The following UNC13C variants were observed in gnomAD, a reference collection of about 807,000 sequenced individuals.
UNC13C encodes the protein protein unc-13 homolog C.
A neutral mutation model predicts 245.4 loss-of-function variants in UNC13C; 174 were observed. That is an observed-to-expected ratio of 0.71 (90% CI 0.63 to 0.80). The LOEUF (loss-of-function observed/expected upper bound fraction) is 0.80. Ranked by LOEUF, UNC13C falls within the 30% of genes least tolerant of loss-of-function variation. UNC13C has a pLI of 0.00. For missense variants in UNC13C, 2,829 were observed against 2,602.9 expected, an observed-to-expected ratio of 1.09 and a Z score of -1.89; for synonymous variants, 992 against 895.1, an observed-to-expected ratio of 1.11 and a Z score of -1.93.
At chr15:54,618,401 G>A (rs1221559528) in intron 30 of UNC13C, among the ~76,000 whole-genome samples, 1 of 152,176 alleles carries the variant, frequency 6.6e-6, no homozygotes, top group East Asian at 1.9e-4. Context: ...TTTACAATAA[G>A]CAAGACTATA....
chr15:53,953,700 T>G, the UNC13C span, among the ~76,000 whole-genome samples: 2 of 152,196 alleles, frequency 1.3e-5, no homozygotes, highest in Non-Finnish European at 2.9e-5. Context: ...TGCCAGCACA[T>G]TAGATATTAA....
At chr15:54,417,150 A>C in intron 19 of UNC13C, 1 of 354,420 alleles carries the variant, frequency 2.8e-6, no homozygotes, top group Admixed American at 3.9e-5. Context: ...TTTTTTGTCT[A>C]TGACTTTTAC....
At chr15:53,913,267 TG>T in the UNC13C span, 1 of 152,224 alleles carries the variant, frequency 6.6e-6, no homozygotes, top group African/African-American at 2.4e-5. Flanking sequence ...ACAAGCCCTA[TG>T]GGTAGTTGAC....
At chr15:54,349,697 C>T (rs546790146) in intron 17 of UNC13C, among the ~76,000 whole-genome samples, 85 of 152,194 alleles carry the variant, frequency 5.6e-4, no homozygotes, top group African/African-American at 1.8e-3. Flanking sequence ...GCAAGTAAGC[C>T]GGGAGCCAGT....
intron 2 of UNC13C, among the ~76,000 whole-genome samples, chr15:54,114,035 C>T (rs565894640): frequency 6.6e-6 from 1 of 152,114 alleles, no homozygotes; most frequent in South Asian, 2.1e-4. Flanking sequence ...CCTGAACATA[C>T]AGCTCTGCCT....
chr15:54,607,754 G>A (rs1899847793), intron 30 of UNC13C, among the ~76,000 whole-genome samples: 1 of 152,046 alleles, frequency 6.6e-6, no homozygotes, highest in South Asian at 2.1e-4. Context: ...AAAGGGAAGG[G>A]GGAGGTGCTA....
the UNC13C span, among the ~76,000 whole-genome samples, chr15:53,872,555 C>A: frequency 6.6e-6 from 1 of 152,132 alleles, no homozygotes. Flanking sequence ...ACAGTTGTCC[C>A]TGTGGTGTAG....
chr15:54,586,808 A>G (rs1419646828), intron 30 of UNC13C, among the ~76,000 whole-genome samples: 1 of 152,234 alleles, frequency 6.6e-6, no homozygotes, highest in Non-Finnish European at 1.5e-5. Flanking sequence ...GGATAAGAAG[A>G]AACCAGCCAG....
intron 4 of UNC13C, among the ~76,000 whole-genome samples, chr15:54,223,100 G>T (rs1169879867): frequency 6.6e-6 from 1 of 151,992 alleles, no homozygotes; most frequent in African/African-American, 2.4e-5. Flanking sequence ...TAAAGTTGAT[G>T]TGATCCCATT....
At chr15:54,087,221 T>C (rs1002496376) in intron 2 of UNC13C, among the ~76,000 whole-genome samples, 2 of 152,106 alleles carry the variant, frequency 1.3e-5, no homozygotes, top group Admixed American at 6.5e-5. Flanking sequence ...AGTGCAGTTT[T>C]TTTAAAAAAA....
intron 17 of UNC13C, among the ~76,000 whole-genome samples, chr15:54,392,547 A>T (rs1163336479): frequency 6.6e-6 from 1 of 152,032 alleles, no homozygotes; most frequent in Non-Finnish European, 1.5e-5. Flanking sequence ...TTTGAGTAAC[A>T]GTACTGACAG....
At chr15:53,988,342 A>G (rs1035719542) in intron 1 of UNC13C, among the ~76,000 whole-genome samples, 4 of 151,978 alleles carry the variant, frequency 2.6e-5, no homozygotes, top group African/African-American at 9.7e-5. Context: ...AGAGGGGATG[A>G]TATGTATTAT....
intron 4 of UNC13C, among the ~76,000 whole-genome samples, chr15:54,165,580 TATC>T: frequency 6.6e-6 from 1 of 152,132 alleles, no homozygotes; most frequent in Non-Finnish European, 1.5e-5. Context: ...ACAAATAAGT[TATC>T]ATCTTTATAT....
intron 30 of UNC13C, among the ~76,000 whole-genome samples, chr15:54,592,277 T>C (rs1467925796): frequency 6.6e-6 from 1 of 152,198 alleles, no homozygotes; most frequent in Non-Finnish European, 1.5e-5. Flanking sequence ...CTGTGGTTGT[T>C]GGATGAAATC....
intron 16 of UNC13C, among the ~76,000 whole-genome samples, chr15:54,336,977 C>G (rs7176207): frequency 6.6e-6 from 1 of 151,980 alleles, no homozygotes; most frequent in African/African-American, 2.4e-5. Flanking sequence ...TTGAGATTGC[C>G]TTTCATCTAT....
chr15:53,881,235 G>A, the UNC13C span, among the ~76,000 whole-genome samples: 1 of 152,148 alleles, frequency 6.6e-6, no homozygotes, highest in Non-Finnish European at 1.5e-5. Context: ...TTTATTCAGA[G>A]CCTCAGGGTA....
chr15:54,106,953 T>C (rs1900478622), intron 2 of UNC13C, among the ~76,000 whole-genome samples: 1 of 152,252 alleles, frequency 6.6e-6, no homozygotes, highest in African/African-American at 2.4e-5. Flanking sequence ...TTCCCTGCTG[T>C]GTAGAATGAA....
At chr15:54,297,656 A>G (rs978515056) in intron 11 of UNC13C, among the ~76,000 whole-genome samples, 155 bp from the exon 12 acceptor site, 1 of 152,224 alleles carries the variant, frequency 6.6e-6, no homozygotes, top group Non-Finnish European at 1.5e-5. Flanking sequence ...ATATGGCCTC[A>G]TCATGGTTAC....
intron 2 of UNC13C, among the ~76,000 whole-genome samples, chr15:54,031,246 G>C (rs983119328): frequency 6.6e-6 from 1 of 152,118 alleles, no homozygotes; most frequent in African/African-American, 2.4e-5. Context: ...AATTCAGAAG[G>C]GTGCCGTTTT....
Sources: gnomAD v4.1 joint callset for allele counts (sites outside exome capture counted in the v4.1 genomes callset) on GRCh38, gnomAD v4.1.1 for gene constraint, MANE v1.5 for transcripts, NCBI Gene and HGNC (gene_info 2026-07-23, HGNC 2026-07-21) for gene names.